Variants in GNA14 observed in about 807,000 individuals in gnomAD.
GNA14 encodes guanine nucleotide-binding protein subunit alpha-14.
A neutral mutation model predicts 42.0 loss-of-function variants in GNA14; 50 were observed. The ratio of observed to expected loss-of-function variants is 1.19; its 90% CI spans 0.95 to 1.51. The LOEUF is 1.51. Among genes scored for constraint, GNA14 ranks in the 40% most tolerant of loss-of-function variants. The probability of loss-of-function intolerance (pLI) is 0.00; values close to 1 mark genes in which losing one functional copy is unlikely to be tolerated. For missense variants in GNA14, 473 were observed against 446.2 expected (o/e 1.06, Z -0.54); for synonymous variants, 173 against 163.1 (o/e 1.06, Z -0.46).
In GNA14 at chr9:77,514,309, T is replaced by G. The variant is rs945800426; in HGVS notation, c.309+14760A>C. 3.3e-5 allele frequency among the ~76,000 whole-genome samples: 5 copies of G among 152,120 alleles called. No homozygotes were observed. In the South Asian group the frequency reaches 1.0e-3, roughly 32 times the overall value. ...GAACAGCTGAGCACGTCCTCTGAGG[T>G]TGTGGATACTACCACCTAGATGAAT... On this transcript the variant is annotated intron_variant, in intron 2 of 6. Coordinates refer to ENST00000341700, the MANE Select transcript of GNA14 (RefSeq NM_004297.4).
intron 1 of GNA14, chr9:77,580,566 T>C (rs1316790864): frequency 6.0e-6 from 3 of 503,960 alleles, no homozygotes; most frequent in Non-Finnish European, 1.2e-5. Context: ...TATTAAAGAA[T>C]ATCAGTGAAG....
chr9:77,614,500 G>A (rs1823779788), intron 1 of GNA14, among the ~76,000 whole-genome samples: 1 of 152,174 alleles, frequency 6.6e-6, no homozygotes, highest in Admixed American at 6.5e-5. Flanking sequence ...TAAGCACAGT[G>A]AGGCAATGAA....
intron 1 of GNA14, among the ~76,000 whole-genome samples, chr9:77,634,515 G>A (rs770296239): frequency 6.6e-6 from 1 of 151,818 alleles, no homozygotes; most frequent in Non-Finnish European, 1.5e-5. Context: ...GACAGAGGGA[G>A]GGAGGGAGGA....
chr9:77,558,939 A>C (rs1354870164), intron 1 of GNA14, among the ~76,000 whole-genome samples: 2 of 151,576 alleles, frequency 1.3e-5, no homozygotes, highest in Admixed American at 1.3e-4. Flanking sequence ...CAAAAAAAAA[A>C]ACAAAAAACA....
At chr9:77,523,530 C>T (rs566969517) in intron 2 of GNA14, among the ~76,000 whole-genome samples, 1 of 152,310 alleles carries the variant, frequency 6.6e-6, no homozygotes, top group East Asian at 1.9e-4. Flanking sequence ...CCACCTCCAA[C>T]ACTGGGGATT....
intron 2 of GNA14, among the ~76,000 whole-genome samples, chr9:77,458,226 C>G (rs1836041101): frequency 1.3e-5 from 2 of 152,250 alleles, no homozygotes; most frequent in South Asian, 2.1e-4. Flanking sequence ...CTTAGGGACC[C>G]GCTTCTTCCT....
chr9:77,505,993 C>A (rs79908736), intron 2 of GNA14, among the ~76,000 whole-genome samples: 2 of 151,906 alleles, frequency 1.3e-5, no homozygotes, highest in African/African-American at 2.4e-5. Flanking sequence ...GGTATGGTGG[C>A]TCATGCCTGT....
At chr9:77,491,142 G>A (rs1490833575) in intron 2 of GNA14, among the ~76,000 whole-genome samples, 1 of 152,162 alleles carries the variant, frequency 6.6e-6, no homozygotes, top group Non-Finnish European at 1.5e-5. Flanking sequence ...TTTTAAATAT[G>A]AAAGAAAGAT....
chr9:77,423,771 C>G lies in GNA14; in HGVS notation c.*208G>C. On this transcript the variant is annotated 3_prime_UTR_variant, in exon 7 of 7. Transcript: ENST00000341700. ...CAAAAGTCAAGAAAATAATTATAAACACAATTTGGGATGTAAGGACTTTTA... is the reference window on the plus strand; with the variant it reads ...CAAAAGTCAAGAAAATAATTATAAAGACAATTTGGGATGTAAGGACTTTTA... 2.9e-6 allele frequency: 1 copy of G among 346,792 alleles called. No individual in the cohort carries two copies. 21.5% of individuals were successfully genotyped at this position (346,792 alleles called of 1,614,324 possible). A position where few individuals can be genotyped will look rare whatever the true frequency, so the allele number is the denominator to read the frequency against.
chr9:77,482,648 G>A (rs2131729800), intron 2 of GNA14, among the ~76,000 whole-genome samples: 1 of 152,284 alleles, frequency 6.6e-6, no homozygotes, highest in East Asian at 1.9e-4. Context: ...CCTGCAGAGT[G>A]TTTTCCAACT....
intron 1 of GNA14, among the ~76,000 whole-genome samples, chr9:77,558,685 T>C (rs1303354748): frequency 6.6e-6 from 1 of 152,172 alleles, no homozygotes; most frequent in Non-Finnish European, 1.5e-5. Context: ...TGGACCCATG[T>C]GTCACTGTGT....
At chr9:77,573,451 A>T (rs1164396084) in intron 1 of GNA14, among the ~76,000 whole-genome samples, 1 of 152,122 alleles carries the variant, frequency 6.6e-6, no homozygotes, top group Non-Finnish European at 1.5e-5. Context: ...TCCGTCTCAA[A>T]AAAATAAATA....
At chr9:77,588,894 C>T (rs137979677) in intron 1 of GNA14, among the ~76,000 whole-genome samples, 2 of 152,170 alleles carry the variant, frequency 1.3e-5, no homozygotes, top group Non-Finnish European at 2.9e-5. Context: ...AAAGAAGGAA[C>T]CTGCTTTTGC....
intron 3 of GNA14, 64 bp from the exon 4 acceptor site, chr9:77,431,513 C>A: frequency 6.8e-7 from 1 of 1,460,660 alleles, no homozygotes; most frequent in South Asian, 1.3e-5. Context: ...CCATCCTACT[C>A]AAAGGAAGTC....
intron 1 of GNA14, among the ~76,000 whole-genome samples, chr9:77,610,141 G>A (rs1448143117): frequency 6.6e-6 from 1 of 152,084 alleles, no homozygotes; most frequent in Non-Finnish European, 1.5e-5. Flanking sequence ...CTTCCCAGAG[G>A]AACTTTGTCC....
intron 1 of GNA14, among the ~76,000 whole-genome samples, chr9:77,613,945 T>C (rs952622124): frequency 1.3e-5 from 2 of 152,200 alleles, no homozygotes; most frequent in Non-Finnish European, 2.9e-5. Context: ...CAGCAGCTAG[T>C]AGTGTAGTTA....
intron 1 of GNA14, among the ~76,000 whole-genome samples, chr9:77,547,682 C>A (rs1025735935): frequency 6.6e-6 from 1 of 152,018 alleles, no homozygotes; most frequent in African/African-American, 2.4e-5. Flanking sequence ...TGCTGGAATC[C>A]CAGATTTCTA....
intron 1 of GNA14, among the ~76,000 whole-genome samples, chr9:77,553,580 G>A (rs963248085): frequency 3.3e-5 from 5 of 152,232 alleles, no homozygotes; most frequent in East Asian, 3.9e-4. Flanking sequence ...ATCATGGAGT[G>A]CAAATGAAAA....
intron 1 of GNA14, among the ~76,000 whole-genome samples, chr9:77,589,555 G>A (rs1823357964): frequency 6.6e-6 from 1 of 152,170 alleles, no homozygotes; most frequent in Non-Finnish European, 1.5e-5. Context: ...CAGGTACTGT[G>A]TTTGTTGAAA....
Sources: allele counts gnomAD v4.1 joint callset (sites outside exome capture counted in the v4.1 genomes callset), GRCh38; gene constraint gnomAD v4.1.1; transcripts MANE v1.5; gene names NCBI Gene and HGNC (gene_info 2026-07-23, HGNC 2026-07-21).